Variants in NPAS3 observed in about 807,000 individuals in gnomAD.
NPAS3 encodes the protein neuronal PAS domain protein 3, also known as neuronal PAS domain-containing protein 3.
Under a neutral mutation model 73.1 loss-of-function variants are expected in NPAS3, and 14 were observed. The observed-to-expected ratio is 0.19, with a 90% confidence interval of 0.13 to 0.30. NPAS3 has a LOEUF of 0.30. NPAS3 is among the 10% of genes least tolerant of loss of function. NPAS3 has a pLI of 1.00. For synonymous variants in NPAS3, 620 were observed against 541.5 expected (o/e 1.14, Z -2.01); for missense variants, 1,096 against 1,250.0 (o/e 0.88, Z 1.86).
chr14:33,545,749 G>C (rs182226465), intron 4 of NPAS3, among the ~76,000 whole-genome samples: 5 of 152,274 alleles, frequency 3.3e-5, no homozygotes, highest in Admixed American at 2.6e-4. Context: ...CTCTGAATCT[G>C]ACCAGGGACT....
At chr14:33,022,919 T>A (rs1005860960) in intron 1 of NPAS3, among the ~76,000 whole-genome samples, 12 of 152,124 alleles carry the variant, frequency 7.9e-5, no homozygotes, top group African/African-American at 2.9e-4. Context: ...TAGTCAAAAG[T>A]TGAGGCATGT....
chr14:33,301,997 G>A (rs1039508048), intron 3 of NPAS3, among the ~76,000 whole-genome samples: 5 of 152,120 alleles, frequency 3.3e-5, no homozygotes, highest in East Asian at 1.9e-4. Flanking sequence ...TGCCCTCTCC[G>A]TGCGTGGCTT....
chr14:33,477,220 G>A (rs1221584831), intron 4 of NPAS3, among the ~76,000 whole-genome samples: 1 of 152,076 alleles, frequency 6.6e-6, no homozygotes, highest in Non-Finnish European at 1.5e-5. Context: ...GGGTAGGGGT[G>A]GAAAGAGAGG....
At chr14:33,630,671 C>T (rs2140134863) in intron 5 of NPAS3, among the ~76,000 whole-genome samples, 1 of 152,258 alleles carries the variant, frequency 6.6e-6, no homozygotes. Flanking sequence ...CCATGAATTC[C>T]AAACATGTCA....
chr14:33,136,236 T>G lies in NPAS3; in HGVS notation c.141-78946T>G, dbSNP rs139199826. ...CCACCACGCCCAGCTAATTTTTATA[T>G]TTTTAGTAGAGACAGGGTTTCACCA... On this transcript the variant is annotated intron_variant, in intron 2 of 11. Coordinates refer to ENST00000356141, the Ensembl canonical transcript of NPAS3. Among the ~76,000 whole-genome samples, 1,299 of 151,926 alleles carry G rather than the reference T, an allele frequency of 8.6e-3. 18 individuals carry two copies. The highest frequency in any genetic ancestry group is 0.03 in the African/African-American group (1,234 of 41,440).
At chr14:33,248,541 A>G (rs1321077695) in intron 3 of NPAS3, among the ~76,000 whole-genome samples, 3 of 152,170 alleles carry the variant, frequency 2.0e-5, no homozygotes, top group Non-Finnish European at 4.4e-5. Flanking sequence ...TAGGCTCAGG[A>G]GAGTCTTTCT....
intron 2 of NPAS3, among the ~76,000 whole-genome samples, chr14:33,140,135 G>A (rs1032209778): frequency 6.6e-6 from 1 of 151,988 alleles, no homozygotes; most frequent in Non-Finnish European, 1.5e-5. Context: ...TGGTGGTGTG[G>A]TTCAGTACCT....
At chr14:33,012,085 C>CCTTTA (rs10664653) in intron 1 of NPAS3, among the ~76,000 whole-genome samples, 126,719 of 151,582 alleles carry the variant, frequency 0.84, 53,005 homozygotes, top group Middle Eastern at 0.89. Context: ...GCTGTGCCTG[C>CCTTTA]CTTCCCTTCC....
chr14:33,656,025 C>T (rs1291513480), intron 5 of NPAS3, among the ~76,000 whole-genome samples: 1 of 152,184 alleles, frequency 6.6e-6, no homozygotes, highest in Non-Finnish European at 1.5e-5. Context: ...TGCCCCACCG[C>T]ATTACCAGAT....
intron 4 of NPAS3, among the ~76,000 whole-genome samples, chr14:33,540,085 T>A (rs2139624100): frequency 6.6e-6 from 1 of 152,342 alleles, no homozygotes; most frequent in South Asian, 2.1e-4. Flanking sequence ...ACGACTCAGC[T>A]GTGTCCGCAT....
intron 2 of NPAS3, among the ~76,000 whole-genome samples, chr14:33,065,186 C>T (rs1400614455): frequency 1.3e-5 from 2 of 152,232 alleles, no homozygotes; most frequent in East Asian, 3.9e-4. Flanking sequence ...TTTATCTAGA[C>T]ATAGTACACA....
intron 7 of NPAS3, among the ~76,000 whole-genome samples, chr14:33,770,613 T>G (rs2138436583): frequency 6.6e-6 from 1 of 152,270 alleles, no homozygotes; most frequent in Admixed American, 6.5e-5. Context: ...TTGTTAACTT[T>G]ATTCAGAAAA....
intron 3 of NPAS3, among the ~76,000 whole-genome samples, chr14:33,239,558 A>G (rs568481558): frequency 1.3e-5 from 2 of 152,018 alleles, no homozygotes; most frequent in East Asian, 3.9e-4. Flanking sequence ...CTCACAGACA[A>G]GATCATTTTC....
At chr14:33,670,238 A>G (rs148450723) in intron 5 of NPAS3, among the ~76,000 whole-genome samples, 1 of 152,226 alleles carries the variant, frequency 6.6e-6, no homozygotes, top group African/African-American at 2.4e-5. Flanking sequence ...CTCTGTTAAC[A>G]TATCTGTAAA....
intron 7 of NPAS3, among the ~76,000 whole-genome samples, chr14:33,747,939 C>A (rs56030415): frequency 0.022 from 3,314 of 152,296 alleles, 64 homozygotes; most frequent in Non-Finnish European, 0.031. Context: ...TGCACCCCAT[C>A]ATCTGCTTTA....
At chr14:33,200,263 A>G (rs2046564298) in intron 2 of NPAS3, among the ~76,000 whole-genome samples, 1 of 151,778 alleles carries the variant, frequency 6.6e-6, no homozygotes, top group African/African-American at 2.4e-5. Flanking sequence ...ACATATAATT[A>G]TTTTCCACTC....
At chr14:33,246,413 C>A (rs1220258243) in intron 3 of NPAS3, among the ~76,000 whole-genome samples, 1 of 151,044 alleles carries the variant, frequency 6.6e-6, no homozygotes, top group Non-Finnish European at 1.5e-5. Flanking sequence ...GTGGCGGGCA[C>A]GTGTAGTCCC....
At chr14:33,006,036 C>A (rs899809697) in intron 1 of NPAS3, among the ~76,000 whole-genome samples, 6 of 152,144 alleles carry the variant, frequency 3.9e-5, no homozygotes, top group African/African-American at 9.7e-5. Context: ...TGACCTCAGC[C>A]TCCTCCCCTG....
At chr14:33,240,852 G>T (rs2048192483) in intron 3 of NPAS3, among the ~76,000 whole-genome samples, 1 of 151,790 alleles carries the variant, frequency 6.6e-6, no homozygotes, top group Non-Finnish European at 1.5e-5. Flanking sequence ...TTTTCTGTAG[G>T]TTTGGCCTCT....
Sources: allele counts gnomAD v4.1 joint callset (sites outside exome capture counted in the v4.1 genomes callset), GRCh38; gene constraint gnomAD v4.1.1; transcripts MANE v1.5; gene names NCBI Gene and HGNC (gene_info 2026-07-23, HGNC 2026-07-21).